TSHZ2: variants seen among roughly 807,000 people sequenced by gnomAD.
The protein encoded by TSHZ2 is teashirt zinc finger homeobox 2.
A neutral mutation model predicts 74.4 loss-of-function variants in TSHZ2; 21 were observed. The ratio of observed to expected loss-of-function variants is 0.28; its 90% CI spans 0.20 to 0.41. The LOEUF (loss-of-function observed/expected upper bound fraction) is 0.41. Ranked by LOEUF, TSHZ2 falls within the 10% of genes least tolerant of loss-of-function variation. The pLI is 1.00. For synonymous variants in TSHZ2, 540 were observed against 515.3 expected, an observed-to-expected ratio of 1.05 and a Z score of -0.65; for missense variants, 1,244 against 1,293.5, an observed-to-expected ratio of 0.96 and a Z score of 0.59.
rs536382577 is a variant in TSHZ2, at chr20:53,418,864, A to G, written c.*9-68280A>G. On this transcript the variant is annotated intron_variant, in intron 2 of 2. Transcript: ENST00000371497. The stretch of plus-strand genomic sequence containing the variant: ...GGCCTAACACTAAGGCAGGCCACCC[A>G]GACAGGTGTGATCATAGCTAGGATG... Among the ~76,000 whole-genome samples, 4 of 152,304 alleles carry G rather than the reference A, an allele frequency of 2.6e-5. No homozygotes were observed. The East Asian group carries it at 7.7e-4, about 29-fold the overall frequency.
chr20:53,059,460 G>A (rs1028647025), intron 1 of TSHZ2, among the ~76,000 whole-genome samples: 17 of 152,152 alleles, frequency 1.1e-4, no homozygotes, highest in African/African-American at 3.1e-4. Context: ...AAATACCCCC[G>A]TCCCTCCCCA....
At chr20:53,332,714 C>G (rs1979774615) in intron 2 of TSHZ2, among the ~76,000 whole-genome samples, 1 of 152,138 alleles carries the variant, frequency 6.6e-6, no homozygotes, top group Admixed American at 6.5e-5. Flanking sequence ...AGCTTGTGTA[C>G]CAACTTTTTC....
Position 53,426,771 on chromosome 20 carries a change from A to G in TSHZ2, c.*9-60373A>G, listed in dbSNP as rs539958770. 2.6e-5 allele frequency among the ~76,000 whole-genome samples: 4 copies of G among 152,328 alleles called. 1 individual carries two copies. The highest frequency in any genetic ancestry group is 5.9e-5 in the Non-Finnish European group (4 of 68,026). ...AGAAATGTCCTGGAAGGAAAAATAA[A>G]AGGAAGGTGGAGGGGAAGCTCATAC... is the stretch of plus-strand genomic sequence containing the variant. On this transcript the variant is annotated intron_variant, in intron 2 of 2. Coordinates refer to ENST00000371497, the MANE Select transcript of TSHZ2 (RefSeq NM_173485.6).
intron 2 of TSHZ2, among the ~76,000 whole-genome samples, chr20:53,275,705 A>G (rs1010328624): frequency 2.0e-5 from 3 of 152,186 alleles, no homozygotes; most frequent in Admixed American, 6.5e-5. Context: ...AGGTGGATGG[A>G]TCACCTGAGG....
intron 2 of TSHZ2, among the ~76,000 whole-genome samples, chr20:53,286,950 AGATGCCAGACCAAG>A (rs932222496): frequency 1.3e-5 from 2 of 151,750 alleles, no homozygotes; most frequent in Admixed American, 6.6e-5. Flanking sequence ...ATTGATGACC[AGATGCCAGACCAAG>A]GATGCCAGAC....
chr20:53,472,506 A>G (rs974693030), intron 2 of TSHZ2, among the ~76,000 whole-genome samples: 2 of 152,006 alleles, frequency 1.3e-5, no homozygotes, highest in African/African-American at 2.4e-5. Flanking sequence ...GTTTTATTGA[A>G]GTAGTTGTGA....
At chr20:52,988,517 T>G (rs1464099074) in intron 1 of TSHZ2, among the ~76,000 whole-genome samples, 1 of 151,662 alleles carries the variant, frequency 6.6e-6, no homozygotes, top group African/African-American at 2.4e-5. Context: ...CAATATAGTA[T>G]AGATACATGG....
intron 2 of TSHZ2, among the ~76,000 whole-genome samples, chr20:53,354,349 C>A (rs1427159155): frequency 6.6e-6 from 1 of 152,156 alleles, no homozygotes; most frequent in Non-Finnish European, 1.5e-5. Flanking sequence ...AATATTCTTT[C>A]TTTTAGGAGA....
At chr20:53,002,065 C>G (rs1370831037) in intron 1 of TSHZ2, among the ~76,000 whole-genome samples, 1 of 152,214 alleles carries the variant, frequency 6.6e-6, no homozygotes, top group Non-Finnish European at 1.5e-5. Context: ...CACCTTAACT[C>G]ACATCACTTC....
Position 53,254,716 on chromosome 20 carries a change from G to C in TSHZ2, c.1258G>C (p.Val420Leu), listed in dbSNP as rs1187349556. Residue 420 changes from valine (V) to leucine (L), a missense_variant, in exon 2 of 3, where the codon GTA becomes CTA. This residue lies in a region of TSHZ2 where 562 missense variants were observed against 544.0 expected (regional missense o/e 1.03). Transcript: ENST00000371497. ...SSASKKGKQL[V>L]LDPLAVEKMQ... ...TGCCTCCAAGAAAGGGAAGCAGCTG[G>C]TATTAGACCCGTTAGCAGTGGAGAA... 4 of 1,614,152 alleles carry C rather than the reference G, an allele frequency of 2.5e-6. No individual in the cohort carries two copies. Among genetic ancestry groups the C allele is most frequent in the Non-Finnish European group, 3.4e-6 (4 of 1,179,982 alleles).
intron 2 of TSHZ2, among the ~76,000 whole-genome samples, chr20:53,305,237 C>A (rs117728982): frequency 0.018 from 2,749 of 152,278 alleles, 53 homozygotes; most frequent in Admixed American, 0.041. Flanking sequence ...CGCGCCTGGC[C>A]CTTAATGAAC....
At chr20:53,406,784 G>A (rs904710961) in intron 2 of TSHZ2, among the ~76,000 whole-genome samples, 2 of 152,178 alleles carry the variant, frequency 1.3e-5, no homozygotes, top group Non-Finnish European at 2.9e-5. Flanking sequence ...ATGGCGTGGG[G>A]ATTGGGAAGA....
intron 2 of TSHZ2, among the ~76,000 whole-genome samples, chr20:53,275,491 G>T (rs1248596642): frequency 6.6e-6 from 1 of 152,064 alleles, no homozygotes; most frequent in Non-Finnish European, 1.5e-5. Flanking sequence ...ACAAAAAGGG[G>T]GATTTAGAGG....
chr20:53,411,854 G>T (rs1279786497), intron 2 of TSHZ2, among the ~76,000 whole-genome samples: 2 of 152,070 alleles, frequency 1.3e-5, no homozygotes, highest in Admixed American at 6.6e-5. Flanking sequence ...ATAAAAAAAA[G>T]AGTACCTATC....
intron 2 of TSHZ2, among the ~76,000 whole-genome samples, chr20:53,272,611 G>A (rs1990862878): frequency 6.6e-6 from 1 of 152,136 alleles, no homozygotes; most frequent in Admixed American, 6.6e-5. Context: ...AAAACATGAA[G>A]CACAGTCCCC....
At chr20:53,101,366 C>G (rs1031197930) in intron 1 of TSHZ2, among the ~76,000 whole-genome samples, 1 of 152,038 alleles carries the variant, frequency 6.6e-6, no homozygotes, top group South Asian at 2.1e-4. Context: ...GTGATAGTTC[C>G]TATCACTTAC....
At chr20:53,250,961 A>ATGT (rs1990315485) in intron 1 of TSHZ2, among the ~76,000 whole-genome samples, 1 of 151,208 alleles carries the variant, frequency 6.6e-6, no homozygotes, top group South Asian at 2.1e-4. Context: ...GAGTGCATGT[A>ATGT]TGTATATTTC....
chr20:53,084,075 T>A (rs1300024960), intron 1 of TSHZ2, among the ~76,000 whole-genome samples: 1 of 152,166 alleles, frequency 6.6e-6, no homozygotes, highest in Non-Finnish European at 1.5e-5. Flanking sequence ...TAGCCACTAA[T>A]CAAATTTGTC....
intron 1 of TSHZ2, among the ~76,000 whole-genome samples, chr20:53,225,186 A>G (rs570967591): frequency 1.4e-3 from 209 of 152,328 alleles, no homozygotes; most frequent in African/African-American, 4.0e-3. Flanking sequence ...GGCTTAAACC[A>G]TCTCCTGTTA....
Sources: allele counts gnomAD v4.1 joint callset (sites outside exome capture counted in the v4.1 genomes callset), GRCh38; gene constraint gnomAD v4.1.1; regional missense constraint gnomAD v4.1.1; transcripts MANE v1.5; gene names NCBI Gene and HGNC (gene_info 2026-07-23, HGNC 2026-07-21).